NR2E1: variants seen among roughly 807,000 people sequenced by gnomAD.
NR2E1 encodes nuclear receptor subfamily 2 group E member 1.
In NR2E1, 5 loss-of-function variants were observed where a neutral mutation model predicts 43.6. The ratio of observed to expected loss-of-function variants is 0.11; its 90% CI spans 0.06 to 0.24. The LOEUF (loss-of-function observed/expected upper bound fraction) is 0.24. Among genes scored for constraint, NR2E1 ranks in the 10% least tolerant of loss-of-function variants. The pLI, the probability that NR2E1 is intolerant of heterozygous loss-of-function variation, is 1.00. For missense variants in NR2E1, 287 were observed against 496.7 expected (o/e 0.58, Z 4.01); for synonymous variants, 191 against 195.5 (o/e 0.98, Z 0.19).
Position 108,187,660 on chromosome 6 carries a change from G to A in NR2E1, c.*197G>A. 1.7e-6 allele frequency: 1 copy of A among 596,668 alleles called. No homozygotes were observed. The highest frequency in any genetic ancestry group is 3.0e-6 in the Non-Finnish European group (1 of 335,328). 37.0% of individuals were successfully genotyped at this position (596,668 alleles called of 1,614,324 possible). On this transcript the variant is annotated 3_prime_UTR_variant, in exon 9 of 9. Transcript: ENST00000368986. ...CTGACCAGGATAGGGCGGGTGGGAA[G>A]GAGAGGGGTGCAACAGGACCGCCTG... is the stretch of plus-strand genomic sequence containing the variant.
In NR2E1 at chr6:108,169,343, G is replaced by A. The variant is rs984314885; in HGVS notation, c.26-2115G>A. On this transcript the variant is annotated intron_variant, in intron 1 of 8. Transcript: ENST00000368986. This position sits in a 1 kb window ranked among gnomAD's most constrained non-coding sequence, Gnocchi z 6.1. ...CTCGGGCGGGGGAATCCGAGGAGGG[G>A]CCCCCACCCTGCACTGGTCTTCCCT... 6.6e-6 allele frequency among the ~76,000 whole-genome samples: 1 copy of A among 152,190 alleles called. No homozygotes were observed. The highest frequency in any genetic ancestry group is 2.4e-5 in the African/African-American group (1 of 41,452).
chr6:108,171,394 C>T, intron 1 of NR2E1, 64 bp from the exon 2 acceptor site: 1 of 1,570,748 alleles, frequency 6.4e-7, no homozygotes, highest in African/African-American at 1.3e-5. Context: ...CCTTTTCTCC[C>T]TCTTCTCCGC....
intron 5 of NR2E1, chr6:108,179,380 G>C (rs1424261325): frequency 6.6e-6 from 1 of 152,082 alleles, no homozygotes; most frequent in Non-Finnish European, 1.5e-5. Context: ...GCTCCCAAAA[G>C]AAATCCTTTT....
chr6:108,180,496 A>G lies in NR2E1; in HGVS notation c.739+77A>G. 2 of 983,468 alleles carry G rather than the reference A, an allele frequency of 2.0e-6. No individual in the cohort carries two copies. Among genetic ancestry groups the G allele is most frequent in the Non-Finnish European group, 3.3e-6 (2 of 606,550 alleles). The allele number at this position is 983,468 out of a possible 1,614,324, so 60.9% of individuals were successfully genotyped here. A position where few individuals can be genotyped will look rare whatever the true frequency, so the allele number is the denominator to read the frequency against. ...CATTACTGAAAAAAGAACAACATGTAAAGAATAACAAATTCCTGCTGAACA... is the reference window on the plus strand; with the variant it reads ...CATTACTGAAAAAAGAACAACATGTGAAGAATAACAAATTCCTGCTGAACA... On this transcript the variant is annotated intron_variant, in intron 6 of 8. Coordinates refer to ENST00000368986, the MANE Select transcript of NR2E1 (RefSeq NM_003269.5). This position sits in a 1 kb window ranked among gnomAD's most constrained non-coding sequence, Gnocchi z 5.4.
intron 5 of NR2E1, among the ~76,000 whole-genome samples, chr6:108,178,631 A>G (rs1471303648): frequency 6.6e-6 from 1 of 152,220 alleles, no homozygotes; most frequent in African/African-American, 2.4e-5. Context: ...AGGTGGTAAG[A>G]GTATGCCCTC....
rs773345581 is a variant in NR2E1, at chr6:108,166,750, C to G, written c.-16C>G. On this transcript the variant is annotated 5_prime_UTR_variant, in exon 1 of 9. Coordinates refer to ENST00000368986, the MANE Select transcript of NR2E1 (RefSeq NM_003269.5). This position sits in a 1 kb window ranked among gnomAD's most constrained non-coding sequence, Gnocchi z 7.2. ...CGGGCAGCGCCCACCAACCGCTCCG[C>G]CCCGGGACAGCCAGCATGAGCAAGC... 1 of 1,569,644 alleles carries G rather than the reference C, an allele frequency of 6.4e-7. No homozygotes were observed. Among genetic ancestry groups the G allele is most frequent in the South Asian group, 1.2e-5 (1 of 85,864 alleles).
chr6:108,175,398 G>C (rs1241964852), intron 3 of NR2E1, among the ~76,000 whole-genome samples: 1 of 152,228 alleles, frequency 6.6e-6, no homozygotes, highest in African/African-American at 2.4e-5. Context: ...TTTCCAGCCC[G>C]TGTGCAAATT....
In NR2E1 at chr6:108,166,057, T is replaced by A. The variant is rs1456312230; in HGVS notation, c.-709T>A. ...CCGCGGCTGCCTGTCAGAGCGCTTC[T>A]GGAGATATTACAGGGGACCCAGCCC... On this transcript the variant is annotated 5_prime_UTR_variant, in exon 1 of 9. Transcript: ENST00000368986. This position sits in a 1 kb window ranked among gnomAD's most constrained non-coding sequence, Gnocchi z 7.2. The A allele has an allele frequency of 1.3e-5, 2 of 152,766 alleles. No individual in the cohort carries two copies. The highest frequency in any genetic ancestry group is 4.8e-5 in the African/African-American group (2 of 41,458). 9.5% of individuals were successfully genotyped at this position (152,766 alleles called of 1,614,324 possible).
intron 8 of NR2E1, among the ~76,000 whole-genome samples, chr6:108,186,733 C>T (rs535603594): frequency 5.5e-4 from 83 of 152,276 alleles, no homozygotes; most frequent in Non-Finnish European, 9.9e-4. Context: ...ATGCCAATTT[C>T]ATTGACATGA....
At chr6:108,168,252 G>T in intron 1 of NR2E1, 1 of 1,371,938 alleles carries the variant, frequency 7.3e-7, no homozygotes, top group Non-Finnish European at 9.7e-7. Flanking sequence ...TGCATTCTGA[G>T]CCTCCGTTGC....
At chr6:108,174,360 C>A (rs961826123) in intron 2 of NR2E1, among the ~76,000 whole-genome samples, 1 of 152,176 alleles carries the variant, frequency 6.6e-6, no homozygotes, top group African/African-American at 2.4e-5. Context: ...CAGAAAGAAT[C>A]GTTGGTGGGA....
In NR2E1 at chr6:108,166,348, C is replaced by A. The variant is rs1011402957; in HGVS notation, c.-418C>A. 7.2e-5 allele frequency: 14 copies of A among 194,206 alleles called. No individual in the cohort carries two copies. The highest frequency in any genetic ancestry group is 3.1e-4 in the African/African-American group (13 of 41,970). 12.0% of individuals were successfully genotyped at this position (194,206 alleles called of 1,614,324 possible). On this transcript the variant is annotated 5_prime_UTR_variant, in exon 1 of 9. Transcript: ENST00000368986. The surrounding 1 kb of genome is among the most constrained non-coding windows in gnomAD (Gnocchi z 7.2). ...TGCATGCCTATGTAGAGGGAGAGAT[C>A]GAAGACTGAGTGACAGGAATGGGGA...
chr6:108,184,532 C>T (rs1774043745), intron 8 of NR2E1, among the ~76,000 whole-genome samples: 1 of 152,096 alleles, frequency 6.6e-6, no homozygotes, highest in Admixed American at 6.6e-5. Context: ...GAGGGACAAT[C>T]AGAAAAGCTC....
At chr6:108,174,093 C>A (rs1273912872) in intron 2 of NR2E1, among the ~76,000 whole-genome samples, 1 of 152,196 alleles carries the variant, frequency 6.6e-6, no homozygotes, top group African/African-American at 2.4e-5. Flanking sequence ...AAGACTTGAG[C>A]TCTTCCTTTT....
chr6:108,172,325 C>T (rs1191594432), intron 2 of NR2E1, among the ~76,000 whole-genome samples: 3 of 152,240 alleles, frequency 2.0e-5, no homozygotes, highest in African/African-American at 7.2e-5. Flanking sequence ...GCTTCCATAT[C>T]CCTGTCCTCC....
At chr6:108,176,452 T>C in intron 3 of NR2E1, 51 bp from the exon 4 acceptor site, 1 of 1,565,628 alleles carries the variant, frequency 6.4e-7, no homozygotes. Flanking sequence ...GCAGCGGCTG[T>C]GTCTCGACGT....
chr6:108,174,550 C>T lies in NR2E1; in HGVS notation c.172-286C>T, dbSNP rs1447625737. ...CCGCAGGCCTGCGGGGTCTGCCAAA[C>T]CCGGCTCTCTAAGCTTCACCTGCTT... On this transcript the variant is annotated intron_variant, in intron 2 of 8. Transcript: ENST00000368986. Among the ~76,000 whole-genome samples, 5 of 152,220 alleles carry T rather than the reference C, an allele frequency of 3.3e-5. No individual in the cohort carries two copies. The East Asian group carries it at 9.7e-4, about 30-fold the overall frequency.
Position 108,176,678 on chromosome 6 carries a change from C to G in NR2E1, c.435C>G (p.Ala145=), listed in dbSNP as rs914803283. 1.9e-6 allele frequency: 3 copies of G among 1,600,440 alleles called. No individual in the cohort carries two copies. The highest frequency in any genetic ancestry group is 2.2e-5 in the East Asian group (1 of 44,582). ...TGGAGCCGCACGGCCTGGAGCTGGC[C>G]GCGGTGTCCACCACTCCAGAGCGGC... The part of the protein sequence containing the change: ...TQLEPHGLEL[A]AVSTTPERQT... The change falls in exon 4 of 9, where the codon GCC becomes GCG. Residue 145 remains alanine (A), a synonymous_variant. Transcript: ENST00000368986.
At chr6:108,177,558 C>T (rs1773920418) in intron 4 of NR2E1, among the ~76,000 whole-genome samples, 1 of 152,224 alleles carries the variant, frequency 6.6e-6, no homozygotes, top group Non-Finnish European at 1.5e-5. Context: ...CTTTCTTACC[C>T]TTGATGTGTA....
Sources: allele counts gnomAD v4.1 joint callset (sites outside exome capture counted in the v4.1 genomes callset), GRCh38; gene constraint gnomAD v4.1.1; non-coding constraint Gnocchi (gnomAD v3.1); transcripts MANE v1.5; gene names NCBI Gene and HGNC (gene_info 2026-07-23, HGNC 2026-07-21).